The following HS2ST1 variants were observed in gnomAD, a reference collection of about 807,000 sequenced individuals.
The protein encoded by HS2ST1 is heparan sulfate 2-O-sulfotransferase 1, also known as 2-O-sulfotransferase.
A neutral mutation model predicts 42.9 loss-of-function variants in HS2ST1; 18 were observed. The ratio of observed to expected loss-of-function variants is 0.42; its 90% CI spans 0.29 to 0.62. HS2ST1 has a LOEUF of 0.62. HS2ST1 is among the 20% of genes least tolerant of loss of function. The pLI, the probability that HS2ST1 is intolerant of heterozygous loss-of-function variation, is 0.21. For missense variants in HS2ST1, 334 were observed against 433.8 expected, an observed-to-expected ratio of 0.77 and a Z score of 2.04; for synonymous variants, 146 against 152.9, an observed-to-expected ratio of 0.95 and a Z score of 0.33.
chr1:86,959,658 CA>C (rs375173151), intron 1 of HS2ST1, among the ~76,000 whole-genome samples: 4 of 150,716 alleles, frequency 2.7e-5, no homozygotes, highest in Admixed American at 6.6e-5. Context: ...ACTTTGTCTC[CA>C]AAAAAAATAA....
chr1:86,919,433 T>C (rs1014370907), intron 1 of HS2ST1, among the ~76,000 whole-genome samples: 2 of 152,248 alleles, frequency 1.3e-5, no homozygotes, highest in Non-Finnish European at 2.9e-5. Flanking sequence ...TAGTATTTTA[T>C]AGTTTATTAC....
intron 1 of HS2ST1, among the ~76,000 whole-genome samples, chr1:87,056,494 C>CA (rs146061586): frequency 1.3e-3 from 204 of 152,266 alleles, no homozygotes; most frequent in African/African-American, 4.5e-3. Context: ...GATCAACACA[C>CA]AAACTATGTT....
chr1:86,968,599 C>G (rs1168974614), intron 1 of HS2ST1, among the ~76,000 whole-genome samples: 2 of 151,934 alleles, frequency 1.3e-5, no homozygotes, highest in East Asian at 1.9e-4. Context: ...GAAATGAGGT[C>G]TCACTATATT....
intron 3 of HS2ST1, among the ~76,000 whole-genome samples, chr1:87,085,449 A>G (rs1651797947): frequency 6.6e-6 from 1 of 152,198 alleles, no homozygotes; most frequent in Admixed American, 6.5e-5. Flanking sequence ...GAATCACCCA[A>G]ATATTACATA....
chr1:87,079,996 T>C (rs574386527), intron 2 of HS2ST1, among the ~76,000 whole-genome samples: 4 of 152,202 alleles, frequency 2.6e-5, no homozygotes, highest in African/African-American at 9.6e-5. Context: ...TACAGTGAGT[T>C]ATGATCATGC....
intron 2 of HS2ST1, among the ~76,000 whole-genome samples, chr1:87,082,080 C>T (rs1228785620): frequency 6.6e-6 from 1 of 151,736 alleles, no homozygotes; most frequent in African/African-American, 2.4e-5. Context: ...ACAACTAATA[C>T]CACAGAAATT....
In HS2ST1 at chr1:87,033,708, G is replaced by A. The variant is rs12088355; in HGVS notation, c.125-39226G>A. Among the ~76,000 whole-genome samples, 1,043 of 152,026 alleles carry A rather than the reference G, an allele frequency of 6.9e-3. 19 individuals carry two copies. The highest frequency in any genetic ancestry group is 0.024 in the African/African-American group (1,010 of 41,500). On this transcript the variant is annotated intron_variant, in intron 1 of 6. Transcript: ENST00000370550. ...CAGGCGCCTGCCACCACGTCCAGCT[G>A]ATTTTTGTATTTTTAGTAGAGACAG...
At chr1:86,971,191 A>C (rs563339891) in intron 1 of HS2ST1, among the ~76,000 whole-genome samples, 1 of 152,204 alleles carries the variant, frequency 6.6e-6, no homozygotes, top group African/African-American at 2.4e-5. Context: ...AAGAAATTAA[A>C]TTGGCTAGAC....
intron 4 of HS2ST1, among the ~76,000 whole-genome samples, chr1:87,094,417 T>C (rs1652016169): frequency 6.6e-6 from 1 of 152,134 alleles, no homozygotes; most frequent in Non-Finnish European, 1.5e-5. Flanking sequence ...ATTTTATATG[T>C]ATTTTTTCAG....
chr1:86,994,519 G>A (rs1649043771), intron 1 of HS2ST1, among the ~76,000 whole-genome samples: 1 of 152,110 alleles, frequency 6.6e-6, no homozygotes, highest in Admixed American at 6.5e-5. Flanking sequence ...TGTAATATGA[G>A]ATTGAAATTT....
At chr1:86,969,738 T>A in intron 1 of HS2ST1, among the ~76,000 whole-genome samples, 1 of 151,572 alleles carries the variant, frequency 6.6e-6, no homozygotes, top group Admixed American at 6.6e-5. Flanking sequence ...TTAATTAAGT[T>A]ATATAAAATA....
At chr1:86,990,333 G>A (rs2390221) in intron 1 of HS2ST1, among the ~76,000 whole-genome samples, 108,687 of 152,032 alleles carry the variant, frequency 0.71, 40,474 homozygotes, top group East Asian at 0.97. Context: ...GGGCCTAAAC[G>A]TTCTATGTGT....
chr1:87,103,749 A>G (rs1652270749), intron 6 of HS2ST1, among the ~76,000 whole-genome samples, 160 bp downstream of exon 6: 1 of 152,182 alleles, frequency 6.6e-6, no homozygotes, highest in Non-Finnish European at 1.5e-5. Context: ...TCAATTGAGT[A>G]ACTGTGAATT....
chr1:86,963,918 C>T (rs1308362655), intron 1 of HS2ST1, among the ~76,000 whole-genome samples: 5 of 150,568 alleles, frequency 3.3e-5, no homozygotes, highest in Admixed American at 1.3e-4. Flanking sequence ...ACCTCCCGGA[C>T]GGGGCGGCTG....
intron 1 of HS2ST1, among the ~76,000 whole-genome samples, chr1:86,937,909 C>G (rs939812360): frequency 7.9e-5 from 12 of 152,084 alleles, no homozygotes; most frequent in African/African-American, 2.7e-4. Flanking sequence ...AAAAATCACA[C>G]TTGCGCTTAC....
chr1:87,051,264 A>G (rs988094964), intron 1 of HS2ST1, among the ~76,000 whole-genome samples: 12 of 152,056 alleles, frequency 7.9e-5, no homozygotes, highest in African/African-American at 2.9e-4. Flanking sequence ...CCAGTGTTCA[A>G]TTAGAATGTA....
In HS2ST1 at chr1:87,072,926, CT is replaced by C. The variant is rs1177216663; in HGVS notation, c.125-5del. The C allele has an allele frequency of 1.9e-6, 3 of 1,605,530 alleles. No homozygotes were observed. The highest frequency in any genetic ancestry group is 2.6e-6 in the Non-Finnish European group (3 of 1,172,454). On this transcript the variant is annotated splice_region_variant and splice_polypyrimidine_tract_variant and intron_variant, in intron 1 of 6. Transcript: ENST00000370550. ...AAAAACTTAGTTCGTATCTGTTTTT[CT>C]TTCCAGAAAGGGCTATTGCAAGACA... is the stretch of plus-strand genomic sequence containing the variant.
intron 1 of HS2ST1, among the ~76,000 whole-genome samples, chr1:87,022,301 A>G (rs946437346): frequency 5.3e-5 from 8 of 151,900 alleles, no homozygotes; most frequent in Non-Finnish European, 1.2e-4. Context: ...CCAACACACC[A>G]TTTTCACAGT....
intron 3 of HS2ST1, 143 bp downstream of exon 3, chr1:87,084,422 A>G: frequency 1.8e-6 from 1 of 545,856 alleles, no homozygotes; most frequent in Non-Finnish European, 3.2e-6. Flanking sequence ...TAATTTAAAT[A>G]TACCTTCTTA....
Sources: gnomAD v4.1 joint callset for allele counts (sites outside exome capture counted in the v4.1 genomes callset) on GRCh38, gnomAD v4.1.1 for gene constraint, MANE v1.5 for transcripts, NCBI Gene and HGNC (gene_info 2026-07-23, HGNC 2026-07-21) for gene names.